Variants in CFAP43 observed in about 807,000 individuals in gnomAD.
CFAP43 encodes the protein cilia and flagella associated protein 43.
In CFAP43, 155 loss-of-function variants were observed where a neutral mutation model predicts 218.9. The observed-to-expected ratio is 0.71, with a 90% CI of 0.62 to 0.81. CFAP43 has a LOEUF of 0.81. Among genes scored for constraint, CFAP43 ranks in the 30% least tolerant of loss-of-function variants. The pLI is 0.00. For missense variants in CFAP43, 1,778 were observed against 1,954.3 expected (o/e 0.91, Z 1.70); for synonymous variants, 645 against 681.3 (o/e 0.95, Z 0.83).
intron 5 of CFAP43, among the ~76,000 whole-genome samples, chr10:104,211,074 T>A (rs542622045): frequency 2.0e-5 from 3 of 152,196 alleles, no homozygotes; most frequent in Admixed American, 2.0e-4. Context: ...TTTATCCTGC[T>A]TGTAACATGA....
Position 104,198,032 on chromosome 10 carries a change from C to T in CFAP43, c.1102G>A (p.Val368Ile). Reference sequence around the variant, plus strand: ...TCCTTACCAAAAGTGTAGATATAAACAGATCCCTGATAAACATACAAAAGA... The same window carrying T: ...TCCTTACCAAAAGTGTAGATATAAATAGATCCCTGATAAACATACAAAAGA... The part of the protein sequence containing the change: ...VLLIQTDKGS[V>I]YIYTFGKEPT... Residue 368 changes from valine to isoleucine, a missense_variant, in exon 9 of 38, where the codon GTT (valine) becomes ATT (isoleucine). By Grantham distance (29) the Val-to-Ile change is conservative. Transcript: ENST00000357060. 2 of 1,574,066 alleles carry T rather than the reference C, an allele frequency of 1.3e-6. No individual in the cohort carries two copies. The highest frequency in any genetic ancestry group is 4.5e-5 in the East Asian group (2 of 44,616).
rs139314213 is a variant in CFAP43, at chr10:104,157,775, T to TGAGAGAGAGAGAGAGA, written c.3540+3246_3540+3261dup. On this transcript the variant is annotated intron_variant, in intron 27 of 37. Coordinates refer to ENST00000357060, the MANE Select transcript of CFAP43 (RefSeq NM_025145.7). ...GTGTGTGTGTGTGTGTGTGTGTGTG[T>TGAGAGAGAGAGAGAGA]GAGAGAGAGAGAGAGAGAGAGAGAG... Among the ~76,000 whole-genome samples the TGAGAGAGAGAGAGAGA allele has an allele frequency of 5.1e-3, 462 of 90,144 alleles. 10 individuals carry two copies. The highest frequency in any genetic ancestry group is 0.012 in the East Asian group (35 of 2,900). The allele number at this position is 90,144 out of a possible 152,430, so 59.1% of individuals were successfully genotyped here.
chr10:104,143,621 C>T lies in CFAP43; in HGVS notation c.3963G>A (p.Thr1321=), dbSNP rs140041679. 4.5e-5 allele frequency: 72 copies of T among 1,613,962 alleles called. No homozygotes were observed. Among genetic ancestry groups the T allele is most frequent in the East Asian group, 6.7e-5 (3 of 44,888 alleles). The change falls in exon 32 of 38, where the codon ACG becomes ACA. Residue 1321 remains threonine (T), a synonymous_variant. Transcript: ENST00000357060. Reference sequence around the variant, plus strand: ...GGACAACGCTGGTTGTTTCTGAGTGCGTTTTCTGTTTGGAAATCCTGGTAT... The same window carrying T: ...GGACAACGCTGGTTGTTTCTGAGTGTGTTTTCTGTTTGGAAATCCTGGTAT... ...KRRPRISKQK[T]HSETTSVVPF...
chr10:104,147,792 C>A, intron 29 of CFAP43, 99 bp downstream of exon 29: 1 of 711,180 alleles, frequency 1.4e-6, no homozygotes, highest in Non-Finnish European at 2.1e-6. Flanking sequence ...AGGAATGGTG[C>A]AAGGAAGGAA....
intron 27 of CFAP43, among the ~76,000 whole-genome samples, chr10:104,158,766 T>C (rs2088713024): frequency 6.6e-6 from 1 of 152,288 alleles, no homozygotes; most frequent in Admixed American, 6.5e-5. Flanking sequence ...TGTAGAAGAA[T>C]ATTTTTGTTC....
At chr10:104,173,076 C>T (rs1009679658) in intron 19 of CFAP43, among the ~76,000 whole-genome samples, 1 of 152,068 alleles carries the variant, frequency 6.6e-6, no homozygotes, top group Admixed American at 6.6e-5. Flanking sequence ...AAAGGATACA[C>T]ACTACAACAC....
At chr10:104,188,495 TG>T in intron 12 of CFAP43, 85 bp from the exon 13 acceptor site, 1 of 1,498,416 alleles carries the variant, frequency 6.7e-7, no homozygotes, top group African/African-American at 1.4e-5. Context: ...ATATCATCCA[TG>T]GACTTGCCTT....
chr10:104,147,216 T>C (rs2088017694), intron 29 of CFAP43, among the ~76,000 whole-genome samples: 1 of 150,894 alleles, frequency 6.6e-6, no homozygotes, highest in Non-Finnish European at 1.5e-5. Context: ...AAATCTAGTA[T>C]GCTGCAGGGT....
At chr10:104,216,548 G>A (rs993810707) in intron 3 of CFAP43, among the ~76,000 whole-genome samples, 6 of 152,078 alleles carry the variant, frequency 3.9e-5, no homozygotes, top group South Asian at 2.1e-4. Flanking sequence ...GGACAATCAC[G>A]ACAAACCTGA....
Position 104,167,647 on chromosome 10 carries a change from T to C in CFAP43, c.2782A>G (p.Lys928Glu). The C allele has an allele frequency of 6.2e-7, 1 of 1,610,742 alleles. No homozygotes were observed. The highest frequency in any genetic ancestry group is 8.5e-7 in the Non-Finnish European group (1 of 1,179,176). The change falls in exon 22 of 38, where the codon AAG (lysine) becomes GAG (glutamate). Residue 928 changes from lysine to glutamate, a missense_variant. Lys to Glu is a moderately conservative substitution (Grantham distance 56). This residue lies in a region of CFAP43 where 1,553 missense variants were observed against 1,685.2 expected (regional missense o/e 0.92). Coordinates refer to ENST00000357060, the MANE Select transcript of CFAP43 (RefSeq NM_025145.7). ...LKELERVLQQ[K>E]KIEAECLKLR... ...TTAAGACACTCTGCTTCAATCTTCT[T>C]TTGCTGTAAAACTCTTTCCAATTCT...
intron 9 of CFAP43, among the ~76,000 whole-genome samples, chr10:104,197,452 C>T (rs1235548511): frequency 2.0e-5 from 3 of 152,126 alleles, no homozygotes; most frequent in Admixed American, 2.0e-4. Flanking sequence ...TTATTATTGA[C>T]TCCTTAGACT....
intron 34 of CFAP43, among the ~76,000 whole-genome samples, chr10:104,136,349 C>CTTATTTTATTTTATT (rs556302792): frequency 3.4e-5 from 5 of 148,118 alleles, no homozygotes; most frequent in African/African-American, 1.2e-4. Flanking sequence ...TAGATATTTA[C>CTTATTTTATTTTATT]TTATTTTATT....
rs2087743599 is a variant in CFAP43, at chr10:104,142,308, A to G, written c.4244T>C (p.Ile1415Thr). The change falls in exon 33 of 38, where the codon ATT (isoleucine) becomes ACT (threonine). Residue 1415 changes from isoleucine (I) to threonine (T), a missense_variant. Coordinates refer to ENST00000357060, the MANE Select transcript of CFAP43 (RefSeq NM_025145.7). ...VEEEEKVQQEIERVFHELILL... is the reference protein window; with the variant it reads ...VEEEEKVQQETERVFHELILL... ...GATGAGTTCATGGAACACTCTCTCA[A>G]TCTCCTGTTGCACCTTCTCTTCCTC... 4 of 1,613,400 alleles carry G rather than the reference A, an allele frequency of 2.5e-6. No homozygotes were observed. Among genetic ancestry groups the G allele is most frequent in the Non-Finnish European group, 3.4e-6 (4 of 1,179,778 alleles).
intron 34 of CFAP43, among the ~76,000 whole-genome samples, chr10:104,135,176 C>G (rs1184746702): frequency 1.5e-5 from 2 of 134,844 alleles, no homozygotes; most frequent in Non-Finnish European, 3.0e-5. Context: ...ATCCAGCACA[C>G]TTCAATGATT....
rs778351410 is a variant in CFAP43 at position 104,179,115 on chromosome 10, G to C, written c.2383-9C>G. On this transcript the variant is annotated splice_polypyrimidine_tract_variant and intron_variant, in intron 18 of 37. Transcript: ENST00000357060. ...ACCTCCTTTTTGATGGCCTGAAACAGAACAAGTATATCACTTAACAAAGCA... is the reference window on the plus strand; with the variant it reads ...ACCTCCTTTTTGATGGCCTGAAACACAACAAGTATATCACTTAACAAAGCA... 4 of 1,603,252 alleles carry C rather than the reference G, an allele frequency of 2.5e-6. No homozygotes were observed. The highest frequency in any genetic ancestry group is 3.4e-6 in the Non-Finnish European group (4 of 1,171,988).
intron 5 of CFAP43, 90 bp from the exon 6 acceptor site, chr10:104,207,914 C>T (rs1011362513): frequency 2.3e-6 from 3 of 1,298,854 alleles, no homozygotes; most frequent in African/African-American, 1.5e-5. Context: ...CAAAAAGGAA[C>T]CATACTTAAC....
intron 5 of CFAP43, among the ~76,000 whole-genome samples, chr10:104,210,006 C>T (rs1050951181): frequency 2.0e-5 from 3 of 151,824 alleles, no homozygotes; most frequent in African/African-American, 7.3e-5. Context: ...TATTTTTTCT[C>T]CCATATACTT....
intron 19 of CFAP43, among the ~76,000 whole-genome samples, chr10:104,173,772 A>G (rs2089506687): frequency 6.6e-6 from 1 of 152,250 alleles, no homozygotes; most frequent in South Asian, 2.1e-4. Context: ...CACTTCTTCC[A>G]AAGCAGACTG....
intron 32 of CFAP43, 147 bp downstream of exon 32, chr10:104,143,279 T>C (rs2087792094): frequency 2.8e-6 from 2 of 707,902 alleles, no homozygotes; most frequent in Non-Finnish European, 4.6e-6. Flanking sequence ...AGGGTTAATA[T>C]AGTATTTCAT....
Sources: allele counts gnomAD v4.1 joint callset (sites outside exome capture counted in the v4.1 genomes callset), GRCh38; gene constraint gnomAD v4.1.1; regional missense constraint gnomAD v4.1.1; transcripts MANE v1.5; gene names NCBI Gene and HGNC (gene_info 2026-07-23, HGNC 2026-07-21).